Variants in NEUROG2 observed in about 807,000 individuals in gnomAD.
NEUROG2 encodes neurogenin 2.
A neutral mutation model predicts 2.8 loss-of-function variants in NEUROG2; 1 was observed. The ratio of observed to expected loss-of-function variants is 0.36; its 90% CI spans 0.13 to 1.71. The LOEUF (loss-of-function observed/expected upper bound fraction) is 1.71, where lower values mean the gene tolerates loss of function less well. NEUROG2 is among the 40% of genes most tolerant of loss of function. The pLI is 0.34. For missense variants in NEUROG2, 397 were observed against 392.7 expected (o/e 1.01, Z -0.09); for synonymous variants, 211 against 187.7 (o/e 1.12, Z -1.01).
chr4:112,515,748 C>A (rs1160105804), intron 1 of NEUROG2, 99 bp downstream of exon 1: 1 of 297,734 alleles, frequency 3.4e-6, no homozygotes, highest in Non-Finnish European at 6.2e-6. Context: ...GCGGCCTCCG[C>A]GACAAAGATT....
At position 112,516,036 on chromosome 4, in the gene NEUROG2, G is replaced by C. The variant is rs1736444787; in HGVS notation, c.-191C>G. On this transcript the variant is annotated 5_prime_UTR_variant, in exon 1 of 2. Transcript: ENST00000313341. ...TGCCAAGAGCCCCGGCGGCGGCGGC[G>C]GCGGCCCGCCCGGGTCTCGTGTGTT... 1.9e-5 allele frequency: 3 copies of C among 154,242 alleles called. No homozygotes were observed. In the South Asian group the frequency reaches 5.6e-4, roughly 29 times the overall value. 9.6% of individuals were successfully genotyped at this position (154,242 alleles called of 1,614,324 possible).
In NEUROG2 at chr4:112,515,452, C is replaced by A; in HGVS notation, c.24G>T (p.Leu8Phe). MFVKSET[L>F]ELKEEEDVLV... ...ACACGTCCTCTTCCTCCTTCAACTC[C>A]AAGGTCTCGGATTTGACGAACATCC... The change falls in exon 2 of 2, where the codon TTG (leucine) becomes TTT (phenylalanine). Residue 8 changes from leucine (L) to phenylalanine (F), a missense_variant. Leu to Phe is a conservative substitution (Grantham distance 22, BLOSUM62 0). Transcript: ENST00000313341. The A allele has an allele frequency of 6.6e-7, 1 of 1,526,290 alleles. No individual in the cohort carries two copies. The highest frequency in any genetic ancestry group is 1.2e-5 in the South Asian group (1 of 80,408). 94.5% of individuals were successfully genotyped at this position (1,526,290 alleles called of 1,614,324 possible).
Position 112,514,319 on chromosome 4 carries a change from G to T in NEUROG2, c.*338C>A, listed in dbSNP as rs554200141. 4.8e-4 allele frequency: 129 copies of T among 266,188 alleles called. No individual in the cohort carries two copies. Among genetic ancestry groups the T allele is most frequent in the Non-Finnish European group, 8.1e-4 (115 of 142,374 alleles). The allele number at this position is 266,188 out of a possible 1,614,324, so 16.5% of individuals were successfully genotyped here. ...AAGTCCTTCGGCGTTAAAGAGAAAG[G>T]GGAGGAGCGTCAGTCCGCTCTGCAA... On this transcript the variant is annotated 3_prime_UTR_variant, in exon 2 of 2. Coordinates refer to ENST00000313341, the MANE Select transcript of NEUROG2 (RefSeq NM_024019.4).
At position 112,514,347 on chromosome 4, in the gene NEUROG2, T is replaced by C. The variant is rs941404505; in HGVS notation, c.*310A>G. ...AGGAGCGTCAGTCCGCTCTGCAAACTCTTTAGATATGCCACCATCATCTCT... is the reference window on the plus strand; with the variant it reads ...AGGAGCGTCAGTCCGCTCTGCAAACCCTTTAGATATGCCACCATCATCTCT... On this transcript the variant is annotated 3_prime_UTR_variant, in exon 2 of 2. Transcript: ENST00000313341. 3.1e-6 allele frequency: 1 copy of C among 318,874 alleles called. No individual in the cohort carries two copies. The highest frequency in any genetic ancestry group is 2.1e-5 in the African/African-American group (1 of 46,920). The allele number at this position is 318,874 out of a possible 1,614,324, so 19.8% of individuals were successfully genotyped here.
rs1736446451 is a variant in NEUROG2 at position 112,516,084 on chromosome 4, TGTCA to T, written c.-243_-240del. 1 of 152,970 alleles carries T rather than the reference TGTCA, an allele frequency of 6.5e-6. No homozygotes were observed. Among genetic ancestry groups the T allele is most frequent in the African/African-American group, 2.4e-5 (1 of 41,422 alleles). The allele number at this position is 152,970 out of a possible 1,614,324, so 9.5% of individuals were successfully genotyped here. A position where few individuals can be genotyped will look rare whatever the true frequency, so the allele number is the denominator to read the frequency against. On this transcript the variant is annotated 5_prime_UTR_variant, in exon 1 of 2. Transcript: ENST00000313341. ...GTTGTGGTGGTGGTGCGTGTCTGTCTGTCAGTCAGTCCCTGGCCGTGCGGCTCCT... is the reference window on the plus strand; with the variant it reads ...GTTGTGGTGGTGGTGCGTGTCTGTCTGTCAGTCCCTGGCCGTGCGGCTCCT...
rs1215513260 is a variant in NEUROG2 at position 112,514,692 on chromosome 4, C to T, written c.784G>A (p.Ala262Thr). The T allele has an allele frequency of 1.3e-6, 2 of 1,517,604 alleles. No individual in the cohort carries two copies. Among genetic ancestry groups the T allele is most frequent in the African/African-American group, 2.8e-5 (2 of 71,226 alleles). The allele number at this position is 1,517,604 out of a possible 1,614,324, so 94.0% of individuals were successfully genotyped here. Residue 262 changes from alanine to threonine, a missense_variant, in exon 2 of 2, where the codon GCA becomes ACA. By Grantham distance (58) the Ala-to-Thr change is moderately conservative. Transcript: ENST00000313341. ...TCCCTGGCTATGGGGAGGTGAGGTG[C>T]ATAGCGGTGCTTGTCGGGAGGTGGG... Reference protein sequence around the residue: ...QPPPPDKHRYAPHLPIARDCI With the variant: ...QPPPPDKHRYTPHLPIARDCI
Position 112,515,078 on chromosome 4 carries a change from T to A in NEUROG2, c.398A>T (p.Asp133Val). The change falls in exon 2 of 2, where the codon GAC (aspartate) becomes GTC (valine). Residue 133 changes from aspartate (D) to valine (V), a missense_variant. By Grantham distance (152) the Asp-to-Val change is radical. Coordinates refer to ENST00000313341, the MANE Select transcript of NEUROG2 (RefSeq NM_024019.4). ...CGTGGGGAGCACCTCGCGCAGCGCG[T>A]CCAGTGCCGCGTTGAGGTTGTGCAT... is the stretch of plus-strand genomic sequence containing the variant. ...NRMHNLNAAL[D>V]ALREVLPTFP... 6.2e-7 allele frequency: 1 copy of A among 1,613,912 alleles called. No homozygotes were observed. The highest frequency in any genetic ancestry group is 8.5e-7 in the Non-Finnish European group (1 of 1,179,890).
chr4:112,514,383 T>C lies in NEUROG2; in HGVS notation c.*274A>G. ...GCCACCATCATCTCTTCCCAGGGTC[T>C]TTTTCGTCTCAAGAAGCGCCCCCAA... On this transcript the variant is annotated 3_prime_UTR_variant, in exon 2 of 2. Transcript: ENST00000313341. 1 of 370,948 alleles carries C rather than the reference T, an allele frequency of 2.7e-6. No individual in the cohort carries two copies. Among genetic ancestry groups the C allele is most frequent in the Non-Finnish European group, 4.8e-6 (1 of 209,810 alleles). The allele number at this position is 370,948 out of a possible 1,614,324, so 23.0% of individuals were successfully genotyped here.
rs781147211 is a variant in NEUROG2, at chr4:112,515,269, C to T, written c.207G>A (p.Ala69=). The T allele has an allele frequency of 6.6e-7, 1 of 1,524,734 alleles. No homozygotes were observed. Among genetic ancestry groups the T allele is most frequent in the South Asian group, 1.2e-5 (1 of 82,860 alleles). 94.5% of individuals were successfully genotyped at this position (1,524,734 alleles called of 1,614,324 possible). The change falls in exon 2 of 2, where the codon GCG becomes GCA. Residue 69 remains alanine, a synonymous_variant. Coordinates refer to ENST00000313341, the MANE Select transcript of NEUROG2 (RefSeq NM_024019.4). ...AGQGARGGVA[A]GAEGCRPARL... Reference sequence around the variant, plus strand: ...GTGCGGGCCGGCAGCCCTCCGCACCCGCAGCCACGCCGCCCCGCGCCCCCT... The same window carrying T: ...GTGCGGGCCGGCAGCCCTCCGCACCTGCAGCCACGCCGCCCCGCGCCCCCT...
In NEUROG2 at chr4:112,515,829, G is replaced by T. The variant is rs112786223; in HGVS notation, c.-2+18C>A. On this transcript the variant is annotated intron_variant, in intron 1 of 1. Coordinates refer to ENST00000313341, the MANE Select transcript of NEUROG2 (RefSeq NM_024019.4). ...GGAAACCACCTGCGTAGTTGGAAGC[G>T]GTGGCTCGAATACTTACTTAGTTGG... is the stretch of plus-strand genomic sequence containing the variant. 0.023 allele frequency: 3,958 copies of T among 175,120 alleles called. 82 individuals are homozygous for T. Among genetic ancestry groups the T allele is most frequent in the Middle Eastern group, 0.039 (18 of 464 alleles). 10.8% of individuals were successfully genotyped at this position (175,120 alleles called of 1,614,324 possible).
Position 112,514,614 on chromosome 4 carries a change from G to T in NEUROG2, c.*43C>A. 2.1e-6 allele frequency: 3 copies of T among 1,455,924 alleles called. No homozygotes were observed. In the South Asian group the frequency reaches 4.7e-5, roughly 23 times the overall value. 90.2% of individuals were successfully genotyped at this position (1,455,924 alleles called of 1,614,324 possible). ...GGAGGGCTCGACTGGGGACAGGAAA[G>T]GGAACCCACTAAGGCCTGGCGTGGG... is the stretch of plus-strand genomic sequence containing the variant. On this transcript the variant is annotated 3_prime_UTR_variant, in exon 2 of 2. Coordinates refer to ENST00000313341, the MANE Select transcript of NEUROG2 (RefSeq NM_024019.4).
rs1408640001 is a variant in NEUROG2, at chr4:112,513,718, A to G, written c.*939T>C. The G allele has an allele frequency of 1.3e-5, 2 of 152,584 alleles. No individual in the cohort carries two copies. The highest frequency in any genetic ancestry group is 2.9e-5 in the Non-Finnish European group (2 of 68,030). The allele number at this position is 152,584 out of a possible 1,614,324, so 9.5% of individuals were successfully genotyped here. On this transcript the variant is annotated 3_prime_UTR_variant, in exon 2 of 2. Coordinates refer to ENST00000313341, the MANE Select transcript of NEUROG2 (RefSeq NM_024019.4). ...GCTCCGTGTCTGCTTAGGTTTTCAG[A>G]CTGTTGATTTATTTTTAATCTCTTG... is the stretch of plus-strand genomic sequence containing the variant.
chr4:112,515,559 T>TA, intron 1 of NEUROG2, 83 bp from the exon 2 acceptor site: 1 of 1,258,490 alleles, frequency 7.9e-7, no homozygotes, highest in African/African-American at 1.6e-5. Context: ...AGGGGCGTGC[T>TA]CCGGCGCGCA....
At chr4:112,515,680 A>G in intron 1 of NEUROG2, 167 bp downstream of exon 1, 1 of 401,976 alleles carries the variant, frequency 2.5e-6, no homozygotes, top group South Asian at 5.5e-5. Context: ...CCCTGCTGCC[A>G]GTCAGCCGGG....
At position 112,515,636 on chromosome 4, in the gene NEUROG2, C is replaced by T. The variant is rs142155495; in HGVS notation, c.-1-160G>A. 3.1e-4 allele frequency: 158 copies of T among 516,998 alleles called. 1 individual carries two copies. In the South Asian group the frequency reaches 6.5e-3, roughly 21 times the overall value. The allele number at this position is 516,998 out of a possible 1,614,324, so 32.0% of individuals were successfully genotyped here. A position where few individuals can be genotyped will look rare whatever the true frequency, so the allele number is the denominator to read the frequency against. The stretch of plus-strand genomic sequence containing the variant: ...AAGGAAGAAACCCAGGCAGTGCTAA[C>T]CAAGGTCAGGAGCGCCGCTAGCGCT... On this transcript the variant is annotated intron_variant, in intron 1 of 1. Transcript: ENST00000313341.
chr4:112,514,712 G>A lies in NEUROG2; in HGVS notation c.764C>T (p.Pro255Leu), dbSNP rs145365839. The A allele has an allele frequency of 4.6e-6, 7 of 1,519,234 alleles. No homozygotes were observed. Among genetic ancestry groups the A allele is most frequent in the Non-Finnish European group, 6.2e-6 (7 of 1,136,492 alleles). The allele number at this position is 1,519,234 out of a possible 1,614,324, so 94.1% of individuals were successfully genotyped here. A position where few individuals can be genotyped will look rare whatever the true frequency, so the allele number is the denominator to read the frequency against. ...AGGTGCATAGCGGTGCTTGTCGGGA[G>A]GTGGGGGCTGCCAATAGTCCATGTC... ...GSDMDYWQPP[P>L]PDKHRYAPHL... is the part of the protein sequence containing the mutation. The change falls in exon 2 of 2, where the codon CCT (proline) becomes CTT (leucine). Residue 255 changes from proline (P) to leucine (L), a missense_variant. Transcript: ENST00000313341.
At position 112,514,937 on chromosome 4, in the gene NEUROG2, C is replaced by T. The variant is rs750724787; in HGVS notation, c.539G>A (p.Gly180Asp). 4 of 1,609,270 alleles carry T rather than the reference C, an allele frequency of 2.5e-6. No homozygotes were observed. The highest frequency in any genetic ancestry group is 3.4e-6 in the Non-Finnish European group (4 of 1,178,594). ...CTCGGAGAAGAGCGCCCCCGGCAGG[C>T]CCCCGCCGCCGCCCCCGCAGTGATC... is the stretch of plus-strand genomic sequence containing the variant. ...LADHCGGGGGGLPGALFSEAV... is the reference protein window; with the variant it reads ...LADHCGGGGGDLPGALFSEAV... Residue 180 changes from glycine (G) to aspartate (D), a missense_variant, in exon 2 of 2, where the codon GGC becomes GAC. Coordinates refer to ENST00000313341, the MANE Select transcript of NEUROG2 (RefSeq NM_024019.4).
rs1334807141 is a variant in NEUROG2 at position 112,515,220 on chromosome 4, A to C, written c.256T>G (p.Cys86Gly). Residue 86 changes from cysteine (C) to glycine (G), a missense_variant, in exon 2 of 2, where the codon TGC (cysteine) becomes GGC (glycine). Physicochemically the swap from Cys to Gly is radical, Grantham distance 159 (BLOSUM62 -3). Coordinates refer to ENST00000313341, the MANE Select transcript of NEUROG2 (RefSeq NM_024019.4). Reference protein sequence around the residue: ...PARLLGLVHDCKRRPSRARAV... With the variant: ...PARLLGLVHDGKRRPSRARAV... ...CGCGCCCGGGAAGGGCGCCGTTTGC[A>C]ATCGTGTACCAGACCCAGCAGCCGT... The C allele has an allele frequency of 1.9e-6, 3 of 1,605,376 alleles. No homozygotes were observed. Among genetic ancestry groups the C allele is most frequent in the Non-Finnish European group, 1.7e-6 (2 of 1,179,348 alleles).
chr4:112,515,362 G>C lies in NEUROG2; in HGVS notation c.114C>G (p.Asp38Glu). 1 of 1,490,162 alleles carries C rather than the reference G, an allele frequency of 6.7e-7. No individual in the cohort carries two copies. Among genetic ancestry groups the C allele is most frequent in the Non-Finnish European group, 8.9e-7 (1 of 1,125,286 alleles). 92.3% of individuals were successfully genotyped at this position (1,490,162 alleles called of 1,614,324 possible). ...CGCCCGGCTCCTCCTCCTCTTCTTC[G>C]TCGGCGCTGGATGACAGCGGGGTCA... ...AALTPLSSSADEEEEEEPGAS... is the reference protein window; with the variant it reads ...AALTPLSSSAEEEEEEEPGAS... Residue 38 changes from aspartate (D) to glutamate (E), a missense_variant, in exon 2 of 2, where the codon GAC becomes GAG. Physicochemically the swap from Asp to Glu is conservative, Grantham distance 45 (BLOSUM62 2). Coordinates refer to ENST00000313341, the MANE Select transcript of NEUROG2 (RefSeq NM_024019.4).
Sources: gnomAD v4.1 joint callset for allele counts on GRCh38, gnomAD v4.1.1 for gene constraint, MANE v1.5 for transcripts, NCBI Gene and HGNC (gene_info 2026-07-23, HGNC 2026-07-21) for gene names.